Variants in MAD1L1 observed in about 807,000 individuals in gnomAD.
MAD1L1 encodes the protein mitotic spindle assembly checkpoint protein MAD1.
Under a neutral mutation model 96.9 loss-of-function variants are expected in MAD1L1, and 95 were observed. The observed-to-expected ratio is 0.98, with a 90% confidence interval of 0.83 to 1.16. The LOEUF is 1.16. Among genes scored for constraint, MAD1L1 ranks in the 50% most tolerant of loss-of-function variants. The pLI is 0.00. For missense variants in MAD1L1, 1,007 were observed against 954.4 expected (o/e 1.06, Z -0.73); for synonymous variants, 473 against 396.6 (o/e 1.19, Z -2.29).
At chr7:1,907,884 G>A (rs1787768430) in intron 17 of MAD1L1, among the ~76,000 whole-genome samples, 2 of 152,332 alleles carry the variant, frequency 1.3e-5, no homozygotes, top group East Asian at 1.9e-4. Flanking sequence ...GGGCCGCAAG[G>A]ACACCCAAAA....
chr7:1,945,191 G>C (rs987184249), intron 16 of MAD1L1, among the ~76,000 whole-genome samples: 1 of 152,254 alleles, frequency 6.6e-6, no homozygotes, highest in Non-Finnish European at 1.5e-5. Flanking sequence ...GACTGCTGTT[G>C]CCAGCGGGAC....
At chr7:1,856,861 G>A (rs568259729) in intron 18 of MAD1L1, among the ~76,000 whole-genome samples, 1 of 152,304 alleles carries the variant, frequency 6.6e-6, no homozygotes, top group Non-Finnish European at 1.5e-5. Flanking sequence ...GTCACCCTGG[G>A]GGAGGGAGAG....
chr7:1,934,587 G>A (rs778735889), intron 17 of MAD1L1, among the ~76,000 whole-genome samples: 2 of 150,988 alleles, frequency 1.3e-5, no homozygotes, highest in African/African-American at 4.9e-5. Context: ...GAGCGAACCC[G>A]AGACAGGCAG....
At chr7:2,006,972 A>G (rs1243398832) in intron 13 of MAD1L1, among the ~76,000 whole-genome samples, 3 of 152,100 alleles carry the variant, frequency 2.0e-5, no homozygotes, top group Non-Finnish European at 4.4e-5. Flanking sequence ...CAGAGCTCAG[A>G]GCCGCGGGAG....
chr7:2,027,133 AAACT>A (rs1783028351), intron 12 of MAD1L1, among the ~76,000 whole-genome samples: 1 of 152,176 alleles, frequency 6.6e-6, no homozygotes, highest in Non-Finnish European at 1.5e-5. Flanking sequence ...TAAAAGTTAA[AAACT>A]AACTTTTACC....
chr7:1,941,013 C>CCCCCAGGCCTCAGCCTCCTCTTCCTCT (rs1562545644), intron 16 of MAD1L1, among the ~76,000 whole-genome samples: 1 of 149,322 alleles, frequency 6.7e-6, no homozygotes, highest in Non-Finnish European at 1.5e-5. Flanking sequence ...TCCTCTTCCT[C>CCCCCAGGCCTCAGCCTCCTCTTCCTCT]CCCAGGCTTC....
At chr7:1,878,916 G>C (rs1487705907) in intron 18 of MAD1L1, among the ~76,000 whole-genome samples, 1 of 151,956 alleles carries the variant, frequency 6.6e-6, no homozygotes, top group Non-Finnish European at 1.5e-5. Context: ...GAACTAATAA[G>C]TAAATTCAGC....
At chr7:1,972,826 C>T in intron 15 of MAD1L1, among the ~76,000 whole-genome samples, 1 of 152,262 alleles carries the variant, frequency 6.6e-6, no homozygotes, top group South Asian at 2.1e-4. Flanking sequence ...CAGCACCGGT[C>T]TAGCTGGACC....
At chr7:2,042,809 C>A (rs1194496652) in intron 12 of MAD1L1, among the ~76,000 whole-genome samples, 2 of 152,156 alleles carry the variant, frequency 1.3e-5, no homozygotes, top group Non-Finnish European at 2.9e-5. Context: ...CGCAGAATGA[C>A]CCAGCCTCAG....
At chr7:2,165,585 CGTG>C (rs756353286) in intron 10 of MAD1L1, among the ~76,000 whole-genome samples, 10 of 152,104 alleles carry the variant, frequency 6.6e-5, no homozygotes, top group Non-Finnish European at 1.5e-4. Context: ...AATGGGGAAA[CGTG>C]GTCCAGGGGA....
At chr7:2,129,396 C>G (rs917286376) in intron 11 of MAD1L1, among the ~76,000 whole-genome samples, 3 of 152,228 alleles carry the variant, frequency 2.0e-5, no homozygotes, top group Admixed American at 1.3e-4. Flanking sequence ...CAGGCACGAG[C>G]AGGCCAAGCC....
At chr7:1,992,781 G>T (rs79000520) in intron 14 of MAD1L1, among the ~76,000 whole-genome samples, 3 of 152,210 alleles carry the variant, frequency 2.0e-5, no homozygotes, top group African/African-American at 7.2e-5. Context: ...GTGTCTCCAG[G>T]ACAGGTGGAT....
intron 17 of MAD1L1, among the ~76,000 whole-genome samples, chr7:1,902,978 C>T (rs1787350068): frequency 6.6e-6 from 1 of 152,020 alleles, no homozygotes; most frequent in African/African-American, 2.4e-5. Context: ...GACCCAGTGG[C>T]CTACAGAAGA....
chr7:2,150,234 A>G (rs1215773561), intron 10 of MAD1L1, among the ~76,000 whole-genome samples: 1 of 152,070 alleles, frequency 6.6e-6, no homozygotes, highest in Non-Finnish European at 1.5e-5. Context: ...CCTCGGGTGG[A>G]TCCCGGGCAC....
At chr7:2,018,843 G>A (rs907263893) in intron 12 of MAD1L1, among the ~76,000 whole-genome samples, 2 of 151,952 alleles carry the variant, frequency 1.3e-5, no homozygotes, top group Non-Finnish European at 2.9e-5. Context: ...CCAGCCCAAG[G>A]CCGAGGCCCA....
At position 2,192,156 on chromosome 7, in the gene MAD1L1, G is replaced by A. The variant is rs1791758133; in HGVS notation, c.986+21056C>T. Among the ~76,000 whole-genome samples the A allele has an allele frequency of 1.3e-5, 2 of 151,248 alleles. 1 individual carries two copies. The highest frequency in any genetic ancestry group is 2.9e-5 in the Non-Finnish European group (2 of 67,880). ...TTTTTTTGTTTTTTTTTGAGATGGA[G>A]TTTTGTCCTGATTGCCCAGGCTGGA... On this transcript the variant is annotated intron_variant, in intron 10 of 18. Coordinates refer to ENST00000265854, the MANE Select transcript of MAD1L1 (RefSeq NM_001013836.2).
At chr7:1,816,527 G>C (rs1157639636) in intron 18 of MAD1L1, among the ~76,000 whole-genome samples, 1 of 152,124 alleles carries the variant, frequency 6.6e-6, no homozygotes, top group African/African-American at 2.4e-5. Flanking sequence ...CCTCCACCTG[G>C]GGGGCTCCAG....
chr7:2,004,497 G>C (rs1781941118), intron 13 of MAD1L1, among the ~76,000 whole-genome samples: 2 of 152,218 alleles, frequency 1.3e-5, no homozygotes, highest in African/African-American at 2.4e-5. Flanking sequence ...CAGCTTAGAA[G>C]AGGCAGGGTC....
intron 18 of MAD1L1, among the ~76,000 whole-genome samples, chr7:1,821,450 C>G (rs1283514616): frequency 6.6e-6 from 1 of 152,056 alleles, no homozygotes; most frequent in East Asian, 1.9e-4. Flanking sequence ...CACTATGAAC[C>G]CTGTACTGAA....
Sources: gnomAD v4.1 joint callset for allele counts (sites outside exome capture counted in the v4.1 genomes callset) on GRCh38, gnomAD v4.1.1 for gene constraint, MANE v1.5 for transcripts, NCBI Gene and HGNC (gene_info 2026-07-23, HGNC 2026-07-21) for gene names.